The following AP3B1 variants were observed in gnomAD, a reference collection of about 807,000 sequenced individuals.
AP3B1 encodes the protein adaptor related protein complex 3 subunit beta 1.
AP3B1 carries 61 observed loss-of-function variants against 132.5 expected under a neutral mutation model. The ratio of observed to expected loss-of-function variants is 0.46; its 90% CI spans 0.37 to 0.57. AP3B1 has a LOEUF of 0.57. AP3B1 is among the 20% of genes least tolerant of loss of function. AP3B1 has a pLI of 0.00. For missense variants in AP3B1, 1,120 were observed against 1,289.4 expected (o/e 0.87, Z 2.01); for synonymous variants, 388 against 438.3 (o/e 0.89, Z 1.43).
chr5:78,004,089 C>A (rs949573694), intron 26 of AP3B1, among the ~76,000 whole-genome samples: 1 of 151,812 alleles, frequency 6.6e-6, no homozygotes, highest in Non-Finnish European at 1.5e-5. Context: ...CCTGCTGTGA[C>A]CCCACTTTGC....
At chr5:78,216,571 T>C (rs950125568) in intron 6 of AP3B1, among the ~76,000 whole-genome samples, 5 of 152,174 alleles carry the variant, frequency 3.3e-5, no homozygotes, top group African/African-American at 9.6e-5. Flanking sequence ...ACCTAAATTC[T>C]AATCTAAAAA....
intron 22 of AP3B1, among the ~76,000 whole-genome samples, chr5:78,060,391 C>T (rs143358065): frequency 3.3e-5 from 5 of 152,230 alleles, no homozygotes; most frequent in Admixed American, 2.0e-4. Flanking sequence ...CAGTCTGTAT[C>T]GGTCTGATAG....
chr5:78,077,595 C>G lies in AP3B1; in HGVS notation c.2577+11798G>C, dbSNP rs149827514. Among the ~76,000 whole-genome samples the G allele has an allele frequency of 1.3e-3, 197 of 152,314 alleles. 1 individual carries two copies. The highest frequency in any genetic ancestry group is 2.6e-3 in the Non-Finnish European group (174 of 68,026). On this transcript the variant is annotated intron_variant, in intron 22 of 26. Coordinates refer to ENST00000255194, the MANE Select transcript of AP3B1 (RefSeq NM_003664.5). ...ATCAGATCTGGTTACACATGTTATACTTAAACCCTACATTGAAATACTGTT... is the reference window on the plus strand; with the variant it reads ...ATCAGATCTGGTTACACATGTTATAGTTAAACCCTACATTGAAATACTGTT...
chr5:78,057,391 G>T (rs566537640), intron 22 of AP3B1, among the ~76,000 whole-genome samples: 5 of 152,226 alleles, frequency 3.3e-5, no homozygotes, highest in Admixed American at 1.3e-4. Flanking sequence ...TTTGGTTTAA[G>T]ACACAAAGTC....
At chr5:78,006,472 C>T (rs1220133007) in intron 26 of AP3B1, among the ~76,000 whole-genome samples, 4 of 152,112 alleles carry the variant, frequency 2.6e-5, no homozygotes, top group African/African-American at 7.2e-5. Flanking sequence ...TCAAAGCGTG[C>T]GGACTTGATT....
At chr5:78,218,866 A>G (rs1434577675) in intron 6 of AP3B1, among the ~76,000 whole-genome samples, 1 of 152,130 alleles carries the variant, frequency 6.6e-6, no homozygotes, top group South Asian at 2.1e-4. Context: ...CTAATCATAC[A>G]GCCCAAATGA....
chr5:78,104,560 A>C (rs1227508929), intron 20 of AP3B1, among the ~76,000 whole-genome samples: 2 of 152,178 alleles, frequency 1.3e-5, no homozygotes, highest in African/African-American at 2.4e-5. Context: ...AAGTTATATA[A>C]TTGCAACATA....
At chr5:78,202,568 T>A (rs900503040) in intron 7 of AP3B1, among the ~76,000 whole-genome samples, 4 of 150,704 alleles carry the variant, frequency 2.7e-5, no homozygotes, top group African/African-American at 9.9e-5. Flanking sequence ...TGTGTGTGTG[T>A]GTGTGTGTGT....
chr5:78,294,305 C>A, intron 1 of AP3B1, 147 bp downstream of exon 1: 1 of 1,145,584 alleles, frequency 8.7e-7, no homozygotes, highest in Non-Finnish European at 1.2e-6. Flanking sequence ...CCAACCCCAC[C>A]TACCCACCCG....
intron 7 of AP3B1, among the ~76,000 whole-genome samples, chr5:78,187,554 C>A (rs976088439): frequency 3.3e-5 from 5 of 152,024 alleles, no homozygotes; most frequent in African/African-American, 1.2e-4. Context: ...AACAGTAAAA[C>A]TACAAACCAC....
At chr5:78,055,355 T>C (rs1183666292) in intron 22 of AP3B1, among the ~76,000 whole-genome samples, 1 of 152,228 alleles carries the variant, frequency 6.6e-6, no homozygotes, top group East Asian at 1.9e-4. Flanking sequence ...CTGGCAGTGG[T>C]ACGAAGGAAA....
intron 7 of AP3B1, among the ~76,000 whole-genome samples, chr5:78,191,500 T>C (rs547970268): frequency 1.3e-5 from 2 of 152,212 alleles, no homozygotes; most frequent in East Asian, 3.9e-4. Context: ...ACAATCCTGC[T>C]AACTCTCCTA....
intron 21 of AP3B1, among the ~76,000 whole-genome samples, chr5:78,091,131 A>G (rs896002790): frequency 7.2e-5 from 11 of 152,054 alleles, no homozygotes; most frequent in African/African-American, 1.4e-4. Context: ...TCAGTCTCAC[A>G]ATATCCAGTG....
At chr5:78,252,163 G>A (rs1164269407) in intron 2 of AP3B1, among the ~76,000 whole-genome samples, 6 of 152,174 alleles carry the variant, frequency 3.9e-5, no homozygotes, top group Non-Finnish European at 7.3e-5. Context: ...GAGCCCTTGG[G>A]CCCTGAATAA....
At chr5:78,211,989 G>A (rs1481442136) in intron 7 of AP3B1, among the ~76,000 whole-genome samples, 1 of 152,190 alleles carries the variant, frequency 6.6e-6, no homozygotes, top group East Asian at 1.9e-4. Context: ...TACTATGTAA[G>A]AAAGTACAGG....
At chr5:78,243,180 C>T (rs2112522540) in intron 2 of AP3B1, among the ~76,000 whole-genome samples, 1 of 152,234 alleles carries the variant, frequency 6.6e-6, no homozygotes, top group Middle Eastern at 3.4e-3. Flanking sequence ...AATACTGAAG[C>T]TAAGACATCT....
At chr5:78,146,779 GAA>G (rs1305381144) in intron 14 of AP3B1, among the ~76,000 whole-genome samples, 1 of 151,944 alleles carries the variant, frequency 6.6e-6, no homozygotes, top group Non-Finnish European at 1.5e-5. Context: ...CTGGGTTTTA[GAA>G]AAAAGTTTGC....
At chr5:78,059,780 C>T (rs1057285931) in intron 22 of AP3B1, among the ~76,000 whole-genome samples, 2 of 152,104 alleles carry the variant, frequency 1.3e-5, no homozygotes, top group African/African-American at 4.8e-5. Context: ...AATGAACTGC[C>T]ATCATTAAAT....
intron 22 of AP3B1, among the ~76,000 whole-genome samples, chr5:78,082,819 C>T (rs574132434): frequency 1.2e-4 from 18 of 151,510 alleles, no homozygotes; most frequent in Non-Finnish European, 2.1e-4. Context: ...GCCTTGGGAA[C>T]CCTTTTTTTT....
Sources: allele counts gnomAD v4.1 joint callset (sites outside exome capture counted in the v4.1 genomes callset), GRCh38; gene constraint gnomAD v4.1.1; transcripts MANE v1.5; gene names NCBI Gene and HGNC (gene_info 2026-07-23, HGNC 2026-07-21).